The following TTN variants were observed in gnomAD, a reference collection of about 807,000 sequenced individuals.
The protein encoded by TTN is titin.
A neutral mutation model predicts 3,223.0 loss-of-function variants in TTN; 1,525 were observed. The ratio of observed to expected loss-of-function variants is 0.47; its 90% confidence interval spans 0.45 to 0.49. The LOEUF (loss-of-function observed/expected upper bound fraction) is 0.49. Ranked by LOEUF, TTN falls within the 20% of genes least tolerant of loss-of-function variation. The pLI is 0.00. For synonymous variants in TTN, 14,094 were observed against 15,161.0 expected, an observed-to-expected ratio of 0.93 and a Z score of 5.17; for missense variants, 40,786 against 43,424.0, an observed-to-expected ratio of 0.94 and a Z score of 5.40.
At position 178,782,812 on chromosome 2, in the gene TTN, C is replaced by T. The variant is rs768869901; in HGVS notation, c.3094G>A (p.Val1032Met). The T allele has an allele frequency of 3.1e-6, 5 of 1,612,740 alleles. No homozygotes were observed. The highest frequency in any genetic ancestry group is 1.7e-6 in the Non-Finnish European group (2 of 1,179,846). ...TGGGAGGGTGGCCACTAACCCTGCA[C>T]AGCCAGATAGCAGGATGTGCTGACG... ...GTVSTSCYLA[V>M]QVSEEFEKET... is the part of the protein sequence containing the mutation. Residue 1032 changes from valine to methionine, a missense_variant, in exon 18 of 363, where the codon GTG (valine) becomes ATG (methionine). Physicochemically the swap from Val to Met is conservative, Grantham distance 21. Coordinates refer to ENST00000589042, the MANE Select transcript of TTN (RefSeq NM_001267550.2).
chr2:178,565,545 C>T lies in TTN; in HGVS notation c.80587G>A (p.Asp26863Asn), dbSNP rs776528193. The T allele has an allele frequency of 7.4e-6, 12 of 1,613,522 alleles. 1 individual carries two copies. The highest frequency in any genetic ancestry group is 1.7e-4 in the Middle Eastern group (1 of 6,050). ...ACAGGAACACCCAACACTCTTGGAT[C>T]GCTTTTTCCTTTCTCATTATAAGCC... The part of the protein sequence containing the change: ...VKAYNEKGKS[D>N]PRVLGVPVIA... Residue 26863 changes from aspartate to asparagine, a missense_variant, in exon 326 of 363, where the codon GAT becomes AAT. Physicochemically the swap from Asp to Asn is conservative, Grantham distance 23. Coordinates refer to ENST00000589042, the MANE Select transcript of TTN (RefSeq NM_001267550.2).
intron 99 of TTN, 46 bp downstream of exon 99, chr2:178,709,520 G>A: frequency 6.4e-7 from 1 of 1,559,046 alleles, no homozygotes; most frequent in Non-Finnish European, 8.7e-7. Flanking sequence ...TATATAACAG[G>A]CAGTGAAGAA....
In TTN at chr2:178,589,777, C is replaced by T. The variant is rs373298871; in HGVS notation, c.61948G>A (p.Val20650Ile). The T allele has an allele frequency of 5.6e-6, 9 of 1,613,440 alleles. No homozygotes were observed. Among genetic ancestry groups the T allele is most frequent in the Non-Finnish European group, 6.8e-6 (8 of 1,179,628 alleles). Residue 20650 changes from valine to isoleucine, a missense_variant, in exon 304 of 363, where the codon GTT (valine) becomes ATT (isoleucine). Val to Ile is a conservative substitution (Grantham distance 29). Transcript: ENST00000589042. ...FRVCAENKVG[V>I]GPTIETKTPI... ...GTTTTTGTTTCGATGGTTGGCCCAA[C>T]ACCTACTTTATTCTCTGCACAAACT...
At chr2:178,686,908 G>T (rs183820143) in intron 127 of TTN, among the ~76,000 whole-genome samples, 3 of 152,276 alleles carry the variant, frequency 2.0e-5, no homozygotes, top group Admixed American at 2.0e-4. Flanking sequence ...ACTATGTTTG[G>T]TTTTACAAAC....
chr2:178,799,916 G>A lies in TTN; in HGVS notation c.584-6C>T. 6.2e-7 allele frequency: 1 copy of A among 1,613,840 alleles called. No homozygotes were observed. Among genetic ancestry groups the A allele is most frequent in the Non-Finnish European group, 8.5e-7 (1 of 1,179,804 alleles). ...AGCAGGTACTTCTTCTTCACCTGTGGGAAGGGAAAGATGAATGTTTGGGAG... is the reference window on the plus strand; with the variant it reads ...AGCAGGTACTTCTTCTTCACCTGTGAGAAGGGAAAGATGAATGTTTGGGAG... On this transcript the variant is annotated splice_polypyrimidine_tract_variant and splice_region_variant and intron_variant, in intron 4 of 362. Coordinates refer to ENST00000589042, the MANE Select transcript of TTN (RefSeq NM_001267550.2).
rs587780982 is a variant in TTN, at chr2:178,579,928, C to G, written c.67348+11G>C. The G allele has an allele frequency of 5.6e-6, 9 of 1,612,786 alleles. No individual in the cohort carries two copies. In the African/African-American group the frequency reaches 1.1e-4, roughly 19 times the overall value. On this transcript the variant is annotated intron_variant, in intron 318 of 362. Transcript: ENST00000589042. ...AACTCAAAATGATGGGATGATGGTTCATTTGCTTACGGGAAGCTTTGACAG... is the reference window on the plus strand; with the variant it reads ...AACTCAAAATGATGGGATGATGGTTGATTTGCTTACGGGAAGCTTTGACAG...
At position 178,574,703 on chromosome 2, in the gene TTN, C is replaced by A; in HGVS notation, c.71429G>T (p.Gly23810Val). The change falls in exon 326 of 363, where the codon GGA becomes GTA. Residue 23810 changes from glycine (G) to valine (V), a missense_variant. Gly to Val is a moderately radical substitution (Grantham distance 109, BLOSUM62 -3). Coordinates refer to ENST00000589042, the MANE Select transcript of TTN (RefSeq NM_001267550.2). Reference protein sequence around the residue: ...RVKAQNRYGVGPGITSACIVA... With the variant: ...RVKAQNRYGVVPGITSACIVA... ...TATGCATGCTGATGTGATGCCTGGT[C>A]CAACTCCATATCTATTCTGAGCTTT... is the stretch of plus-strand genomic sequence containing the variant. The A allele has an allele frequency of 6.2e-7, 1 of 1,613,286 alleles. No individual in the cohort carries two copies. The highest frequency in any genetic ancestry group is 1.1e-5 in the South Asian group (1 of 91,002).
Position 178,707,005 on chromosome 2 carries a change from T to C in TTN, c.29042-51A>G, listed in dbSNP as rs1577743543. On this transcript the variant is annotated intron_variant, in intron 100 of 362. Transcript: ENST00000589042. The stretch of plus-strand genomic sequence containing the variant: ...TACTACAATCACCTCAGAATTACAA[T>C]ACATATCCCCCTTTGTAAAATAAGC... 8.1e-6 allele frequency: 12 copies of C among 1,473,696 alleles called. No individual in the cohort carries two copies. The East Asian group carries it at 9.5e-5, about 12-fold the overall frequency. 91.3% of individuals were successfully genotyped at this position (1,473,696 alleles called of 1,614,324 possible).
At position 178,665,401 on chromosome 2, in the gene TTN, C is replaced by T; in HGVS notation, c.36019G>A (p.Glu12007Lys). Residue 12007 changes from glutamate (E) to lysine (K), a missense_variant, in exon 165 of 363, where the codon GAG (glutamate) becomes AAG (lysine). By Grantham distance (56) the Glu-to-Lys change is moderately conservative. Transcript: ENST00000589042. ...EMKIFEDVPEEPETPRMKTPE... is the reference protein window; with the variant it reads ...EMKIFEDVPEKPETPRMKTPE... ...CTTTTCATACGTGGAGTTTCTGGCT[C>T]TTCAGGTACATCCTCAAATATTTTC... 6.2e-7 allele frequency: 1 copy of T among 1,612,420 alleles called. No homozygotes were observed. The highest frequency in any genetic ancestry group is 8.5e-7 in the Non-Finnish European group (1 of 1,179,620).
At position 178,582,205 on chromosome 2, in the gene TTN, G is replaced by T. The variant is rs1286811365; in HGVS notation, c.66164C>A (p.Pro22055Gln). ...AACAGGAGGATCACAGCGTCCTGGT[G>T]GGTCTGCAGAAATTGATTGAAAAGT... is the stretch of plus-strand genomic sequence containing the variant. ...EPAIAKNPYD[P>Q]PGRCDPPVIS... The change falls in exon 315 of 363, where the codon CCA becomes CAA. Residue 22055 changes from proline to glutamine, a missense_variant. Pro to Gln is a moderately conservative substitution (Grantham distance 76). Transcript: ENST00000589042. 12 of 1,594,202 alleles carry T rather than the reference G, an allele frequency of 7.5e-6. No individual in the cohort carries two copies. The highest frequency in any genetic ancestry group is 1.0e-5 in the Non-Finnish European group (12 of 1,174,934).
In TTN at chr2:178,634,751, T is replaced by C. The variant is rs879153417; in HGVS notation, c.42123A>G (p.Ala14041=). ...AGEVLYQALN[A]ITTAILTVKE... ...TTACTGTCAAAATGGCAGTTGTAAT[T>C]GCATTAAGGGCCTGGTAGAGGACTT... The change falls in exon 229 of 363, where the codon GCA becomes GCG. Residue 14041 remains alanine (A), a synonymous_variant. Transcript: ENST00000589042. The surrounding 1 kb of genome is among the most constrained non-coding windows in gnomAD (Gnocchi z 4.6). The C allele has an allele frequency of 3.7e-6, 6 of 1,613,090 alleles. No homozygotes were observed. The African/African-American group carries it at 8.0e-5, about 22-fold the overall frequency.
chr2:178,746,784 C>T (rs904573293), intron 47 of TTN: 6 of 1,613,426 alleles, frequency 3.7e-6, no homozygotes, highest in Admixed American at 3.3e-5. Context: ...AGACCTTCAA[C>T]TTCAACAATG....
intron 262 of TTN, 31 bp from the exon 263 acceptor site, chr2:178,613,968 T>C (rs1232401780): frequency 6.2e-7 from 1 of 1,607,402 alleles, no homozygotes; most frequent in Non-Finnish European, 8.5e-7. Flanking sequence ...TAAAATGTTA[T>C]ATGTCCTGTA....
chr2:178,719,469 GT>G lies in TTN; in HGVS notation c.23939-19del. On this transcript the variant is annotated intron_variant, in intron 82 of 362. Coordinates refer to ENST00000589042, the MANE Select transcript of TTN (RefSeq NM_001267550.2). ...AATCCGATCTATGTGGGGAAGGGTA[GT>G]TTTGCGTTTAAAGAGAAGTTTTATT... 1 of 1,600,882 alleles carries G rather than the reference GT, an allele frequency of 6.2e-7. No individual in the cohort carries two copies. Among genetic ancestry groups the G allele is most frequent in the Non-Finnish European group, 8.5e-7 (1 of 1,172,224 alleles).
rs769513424 is a variant in TTN at position 178,756,764 on chromosome 2, T to C, written c.10712A>G (p.Asp3571Gly). The change falls in exon 46 of 363, where the codon GAT (aspartate) becomes GGT (glycine). Residue 3571 changes from aspartate (D) to glycine (G), a missense_variant. Coordinates refer to ENST00000589042, the MANE Select transcript of TTN (RefSeq NM_001267550.2). ...CTGGGACTTGGTGGACTCTCTTACA[T>C]CTTTCCCAGAACTTTGCCTATCTAG... ...QALDRQSSGKDVRESTKSQAV... is the reference protein window; with the variant it reads ...QALDRQSSGKGVRESTKSQAV... 4.3e-6 allele frequency: 7 copies of C among 1,613,688 alleles called. No homozygotes were observed. In the African/African-American group the frequency reaches 9.3e-5, roughly 22 times the overall value.
At position 178,533,420 on chromosome 2, in the gene TTN, C is replaced by A; in HGVS notation, c.103195G>T (p.Asp34399Tyr). 13 of 1,613,898 alleles carry A rather than the reference C, an allele frequency of 8.1e-6. No homozygotes were observed. Among genetic ancestry groups the A allele is most frequent in the Non-Finnish European group, 1.1e-5 (13 of 1,179,842 alleles). ...GGCCCGAGGGACAGTGGCTGACCAT[C>A]TTTCTCCCATTTTAATGTTGGTGGG... ...IPPPTLKWEKDGQPLSLGPNI... is the reference protein window; with the variant it reads ...IPPPTLKWEKYGQPLSLGPNI... Residue 34399 changes from aspartate (D) to tyrosine (Y), a missense_variant, in exon 358 of 363, where the codon GAT (aspartate) becomes TAT (tyrosine). Asp to Tyr is a radical substitution (Grantham distance 160, BLOSUM62 -3). Transcript: ENST00000589042.
At chr2:178,688,275 A>G (rs1209523332) in intron 126 of TTN, 51 bp from the exon 127 acceptor site, 1 of 1,499,594 alleles carries the variant, frequency 6.7e-7, no homozygotes, top group Admixed American at 1.7e-5. Context: ...ATACAGATGT[A>G]TATACAGCCA....
In TTN at chr2:178,715,246, T is replaced by C; in HGVS notation, c.25940A>G (p.Lys8647Arg). 2 of 1,604,602 alleles carry C rather than the reference T, an allele frequency of 1.2e-6. No individual in the cohort carries two copies. Among genetic ancestry groups the C allele is most frequent in the Non-Finnish European group, 1.7e-6 (2 of 1,175,734 alleles). Reference protein sequence around the residue: ...LKVKEPPIFRKKPHPIETLKG... With the variant: ...LKVKEPPIFRRKPHPIETLKG... ...CAGTGTCTCTATAGGATGAGGCTTT[T>C]TGCGGAAAATGGGTGGTTCTAAAAT... is the stretch of plus-strand genomic sequence containing the variant. The change falls in exon 90 of 363, where the codon AAA (lysine) becomes AGA (arginine). Residue 8647 changes from lysine to arginine, a missense_variant. Lys to Arg is a conservative substitution (Grantham distance 26). Transcript: ENST00000589042.
chr2:178,627,816 T>A (rs1261977702), intron 240 of TTN, among the ~76,000 whole-genome samples: 1 of 152,066 alleles, frequency 6.6e-6, no homozygotes, highest in Non-Finnish European at 1.5e-5. Flanking sequence ...ATAATATCAT[T>A]TGTCTTTAAG....
Sources: allele counts gnomAD v4.1 joint callset (sites outside exome capture counted in the v4.1 genomes callset), GRCh38; gene constraint gnomAD v4.1.1; non-coding constraint Gnocchi (gnomAD v3.1); transcripts MANE v1.5; gene names NCBI Gene and HGNC (gene_info 2026-07-23, HGNC 2026-07-21).